NUDT3: variants seen among roughly 807,000 people sequenced by gnomAD.
NUDT3 encodes the protein nudix hydrolase 3, also known as diphosphoinositol polyphosphate phosphohydrolase 1.
NUDT3 carries 9 observed loss-of-function variants against 23.6 expected under a neutral mutation model. The ratio of observed to expected loss-of-function variants is 0.38; its 90% CI spans 0.23 to 0.66. The LOEUF (loss-of-function observed/expected upper bound fraction) is 0.66. NUDT3 is among the 30% of genes least tolerant of loss of function. The pLI is 0.52. For missense variants in NUDT3, 172 were observed against 218.5 expected (o/e 0.79, Z 1.34); for synonymous variants, 86 against 82.6 (o/e 1.04, Z -0.22).
intron 1 of NUDT3, among the ~76,000 whole-genome samples, chr6:34,390,494 T>A (rs1765180269): frequency 6.6e-6 from 1 of 152,068 alleles, no homozygotes; most frequent in Non-Finnish European, 1.5e-5. Context: ...GTTTTCAATT[T>A]ATCAAAAATA....
chr6:34,311,974 G>A (rs1445112433), intron 2 of NUDT3, among the ~76,000 whole-genome samples: 1 of 152,152 alleles, frequency 6.6e-6, no homozygotes, highest in Non-Finnish European at 1.5e-5. Flanking sequence ...AATACTCCCA[G>A]AAGGTAACAC....
intron 2 of NUDT3, among the ~76,000 whole-genome samples, chr6:34,318,236 T>G (rs975770052): frequency 6.6e-6 from 1 of 152,204 alleles, no homozygotes; most frequent in African/African-American, 2.4e-5. Flanking sequence ...CTTTAAATAC[T>G]AACTTTTACA....
intron 2 of NUDT3, among the ~76,000 whole-genome samples, chr6:34,309,464 T>A (rs79145834): frequency 6.6e-6 from 1 of 152,130 alleles, no homozygotes; most frequent in African/African-American, 2.4e-5. Context: ...AATCTAAGCT[T>A]TTACCTTAGG....
intron 2 of NUDT3, among the ~76,000 whole-genome samples, chr6:34,314,841 G>A (rs952875810): frequency 6.6e-6 from 1 of 152,076 alleles, no homozygotes; most frequent in East Asian, 1.9e-4. Context: ...GTCTACCTGT[G>A]AAGCAGATAT....
chr6:34,289,550 A>C (rs1383411507), intron 4 of NUDT3, among the ~76,000 whole-genome samples: 1 of 152,202 alleles, frequency 6.6e-6, no homozygotes, highest in African/African-American at 2.4e-5. Flanking sequence ...AGGGTGACAG[A>C]GTGAGACCCT....
chr6:34,392,624 C>A lies in NUDT3; in HGVS notation c.-262G>T. On this transcript the variant is annotated 5_prime_UTR_variant, in exon 1 of 5. Transcript: ENST00000607016. ...CCGCCCCCTCTGCCGCCGCCACCCC[C>A]GACGACGACCGCGCCGCCATCTTGG... 1 of 254,858 alleles carries A rather than the reference C, an allele frequency of 3.9e-6. No homozygotes were observed. Among genetic ancestry groups the A allele is most frequent in the South Asian group, 1.4e-4 (1 of 6,996 alleles). 15.8% of individuals were successfully genotyped at this position (254,858 alleles called of 1,614,324 possible).
At chr6:34,307,363 G>A (rs1763697923) in intron 2 of NUDT3, among the ~76,000 whole-genome samples, 1 of 152,216 alleles carries the variant, frequency 6.6e-6, no homozygotes, top group Admixed American at 6.5e-5. Context: ...ACGATGGCTT[G>A]AGGCCAGGAG....
intron 1 of NUDT3, among the ~76,000 whole-genome samples, chr6:34,352,440 A>G (rs143043199): frequency 4.8e-4 from 73 of 152,300 alleles, no homozygotes; most frequent in African/African-American, 1.7e-3. Context: ...AAAGTGCTGG[A>G]ATTACAGGCA....
intron 1 of NUDT3, among the ~76,000 whole-genome samples, chr6:34,371,455 ACT>A (rs1175226559): frequency 6.6e-6 from 1 of 151,622 alleles, no homozygotes; most frequent in Non-Finnish European, 1.5e-5. Context: ...ACACAGCAAG[ACT>A]CTGTCTCAAA....
rs1467768738 is a variant in NUDT3 at position 34,282,718 on chromosome 6, G to A, written c.*6035C>T. The A allele has an allele frequency of 6.6e-6, 1 of 152,214 alleles. No individual in the cohort carries two copies. The highest frequency in any genetic ancestry group is 1.5e-5 in the Non-Finnish European group (1 of 68,034). The allele number at this position is 152,214 out of a possible 1,614,324, so 9.4% of individuals were successfully genotyped here. A position where few individuals can be genotyped will look rare whatever the true frequency, so the allele number is the denominator to read the frequency against. On this transcript the variant is annotated 3_prime_UTR_variant, in exon 5 of 5. Transcript: ENST00000607016. Reference sequence around the variant, plus strand: ...GAAGGATGGGTAGCACATCAAAATGGTGATGAACCTGGCAAAACGACAATG... The same window carrying A: ...GAAGGATGGGTAGCACATCAAAATGATGATGAACCTGGCAAAACGACAATG...
At chr6:34,333,813 C>G (rs1360992220) in intron 2 of NUDT3, among the ~76,000 whole-genome samples, 2 of 152,238 alleles carry the variant, frequency 1.3e-5, no homozygotes, top group Non-Finnish European at 2.9e-5. Flanking sequence ...TAGCCAGAAG[C>G]TGATGATGTG....
chr6:34,329,426 G>A lies in NUDT3; in HGVS notation c.210+12436C>T, dbSNP rs568509906. Among the ~76,000 whole-genome samples, 298 of 152,064 alleles carry A rather than the reference G, an allele frequency of 2.0e-3. 1 individual carries two copies. Among genetic ancestry groups the A allele is most frequent in the Non-Finnish European group, 3.7e-3 (252 of 67,988 alleles). ...CTCCCGAGTAGCTGGGATTACAGGC[G>A]CCTGCCACCACGCCTGGCTAATTTT... On this transcript the variant is annotated intron_variant, in intron 2 of 4. Transcript: ENST00000607016.
intron 2 of NUDT3, among the ~76,000 whole-genome samples, chr6:34,321,940 T>A (rs1448762312): frequency 6.6e-6 from 1 of 152,250 alleles, no homozygotes; most frequent in East Asian, 1.9e-4. Context: ...TTAATTAGTT[T>A]GTTTTTGTTG....
chr6:34,295,787 G>C, intron 2 of NUDT3, 102 bp from the exon 3 acceptor site: 1 of 1,453,728 alleles, frequency 6.9e-7, no homozygotes, highest in East Asian at 2.4e-5. Context: ...AAAAACAAGA[G>C]GACACAGCTT....
intron 2 of NUDT3, among the ~76,000 whole-genome samples, chr6:34,303,603 T>C (rs1178804763): frequency 1.3e-5 from 2 of 152,192 alleles, no homozygotes; most frequent in Non-Finnish European, 2.9e-5. Flanking sequence ...AGATACTCTA[T>C]CAGGTTAAGG....
At chr6:34,357,461 A>G (rs565548881) in intron 1 of NUDT3, among the ~76,000 whole-genome samples, 7 of 152,038 alleles carry the variant, frequency 4.6e-5, no homozygotes, top group Non-Finnish European at 7.4e-5. Flanking sequence ...AAAACTAAAA[A>G]ATTAGCGGGG....
At chr6:34,298,635 G>C (rs1453775258) in intron 2 of NUDT3, among the ~76,000 whole-genome samples, 1 of 110,398 alleles carries the variant, frequency 9.1e-6, no homozygotes. Flanking sequence ...TTTGTTTAAA[G>C]AGATGGTGTC....
chr6:34,329,108 T>C (rs1764086454), intron 2 of NUDT3, among the ~76,000 whole-genome samples: 1 of 152,186 alleles, frequency 6.6e-6, no homozygotes, highest in African/African-American at 2.4e-5. Flanking sequence ...GTTCTACTCT[T>C]GTATAACATG....
Position 34,286,789 on chromosome 6 carries a change from A to AAATT in NUDT3, c.*1963_*1964insAATT, listed in dbSNP as rs1491141562. 1 of 119,178 alleles carries AAATT rather than the reference A, an allele frequency of 8.4e-6. No individual in the cohort carries two copies. The highest frequency in any genetic ancestry group is 2.7e-4 in the South Asian group (1 of 3,718). 7.4% of individuals were successfully genotyped at this position (119,178 alleles called of 1,614,324 possible). On this transcript the variant is annotated 3_prime_UTR_variant, in exon 5 of 5. Coordinates refer to ENST00000607016, the MANE Select transcript of NUDT3 (RefSeq NM_006703.4). The stretch of plus-strand genomic sequence containing the variant: ...GTATATAGCAAAAAAAAAAAAAAAA[A>AAATT]TTTTTTTTTTTTTTTTTTGAGATGG...
Sources: allele counts gnomAD v4.1 joint callset (sites outside exome capture counted in the v4.1 genomes callset), GRCh38; gene constraint gnomAD v4.1.1; transcripts MANE v1.5; gene names NCBI Gene and HGNC (gene_info 2026-07-23, HGNC 2026-07-21).